Variants in PHIP observed in about 807,000 individuals in gnomAD.
PHIP encodes the protein PHIP subunit of CUL4-Ring ligase complex.
A neutral mutation model predicts 236.8 loss-of-function variants in PHIP; 54 were observed. That is an observed-to-expected ratio of 0.23 (90% CI 0.18 to 0.29). The LOEUF (loss-of-function observed/expected upper bound fraction) is 0.29, where lower values mean the gene tolerates loss of function less well. Ranked by LOEUF, PHIP falls within the 10% of genes least tolerant of loss-of-function variation. The pLI, the probability that PHIP is intolerant of heterozygous loss-of-function variation, is 1.00. For synonymous variants in PHIP, 756 were observed against 718.9 expected (o/e 1.05, Z -0.83); for missense variants, 1,370 against 2,190.8 (o/e 0.63, Z 7.48).
At chr6:78,944,421 G>A (rs1773690787) in intron 39 of PHIP, among the ~76,000 whole-genome samples, 1 of 152,052 alleles carries the variant, frequency 6.6e-6, no homozygotes, top group Non-Finnish European at 1.5e-5. Flanking sequence ...TGAGAACTGA[G>A]GCAGGAAGAC....
In PHIP at chr6:78,936,670, T is replaced by C. The variant is rs1235449781; in HGVS notation, c.*4023A>G. ...CAAAACTAAAAATAATATCTATTTA[T>C]AGCTCATATTTTCTACTCACTGTTC... On this transcript the variant is annotated 3_prime_UTR_variant, in exon 40 of 40. Coordinates refer to ENST00000275034, the MANE Select transcript of PHIP (RefSeq NM_017934.7). 6.6e-6 allele frequency: 1 copy of C among 151,896 alleles called. No homozygotes were observed. The highest frequency in any genetic ancestry group is 6.6e-5 in the Admixed American group (1 of 15,254). The allele number at this position is 151,896 out of a possible 1,614,324, so 9.4% of individuals were successfully genotyped here. A position where few individuals can be genotyped will look rare whatever the true frequency, so the allele number is the denominator to read the frequency against.
rs1344623654 is a variant in PHIP, at chr6:79,024,227, TACAA to T, written c.923+1288_923+1291del. 1.5e-4 allele frequency among the ~76,000 whole-genome samples: 23 copies of T among 152,342 alleles called. No individual in the cohort carries two copies. The Middle Eastern group carries it at 0.01, about 68-fold the overall frequency. On this transcript the variant is annotated intron_variant, in intron 9 of 39. Coordinates refer to ENST00000275034, the MANE Select transcript of PHIP (RefSeq NM_017934.7). ...GAAGTTAAAGAAGCATGTGTTGCATTACAAACAATTATCTAAACACTACTGTTTT... is the reference window on the plus strand; with the variant it reads ...GAAGTTAAAGAAGCATGTGTTGCATTACAATTATCTAAACACTACTGTTTT...
At chr6:79,018,631 T>C (rs1416683300) in intron 10 of PHIP, among the ~76,000 whole-genome samples, 2 of 151,972 alleles carry the variant, frequency 1.3e-5, no homozygotes, top group Non-Finnish European at 2.9e-5. Flanking sequence ...AGCACTGCTA[T>C]ACAATCACTT....
chr6:79,077,657 G>C (rs1390782339), intron 3 of PHIP, 43 bp downstream of exon 3: 2 of 957,400 alleles, frequency 2.1e-6, no homozygotes, highest in South Asian at 9.4e-5. Context: ...GCCCAGAGGC[G>C]GCCGCGCGGC....
intron 13 of PHIP, among the ~76,000 whole-genome samples, chr6:79,016,133 G>A (rs954871741): frequency 2.0e-5 from 3 of 151,828 alleles, no homozygotes; most frequent in Non-Finnish European, 4.4e-5. Flanking sequence ...ATCCATCTGA[G>A]ATGACTACAC....
intron 7 of PHIP, among the ~76,000 whole-genome samples, chr6:79,042,229 C>T (rs1772255163): frequency 6.6e-6 from 1 of 151,884 alleles, no homozygotes. Context: ...AGCTCAAAAG[C>T]TTTGCTTTTC....
In PHIP at chr6:78,994,855, G is replaced by A. The variant is rs567998187; in HGVS notation, c.2201+2559C>T. On this transcript the variant is annotated intron_variant, in intron 19 of 39. Coordinates refer to ENST00000275034, the MANE Select transcript of PHIP (RefSeq NM_017934.7). ...ACTGAAGGTTCAGATGGTTGTTAGC[G>A]TTTTTCAGCAGTAAAGAATTTTCAA... 1.3e-4 allele frequency among the ~76,000 whole-genome samples: 20 copies of A among 152,234 alleles called. No homozygotes were observed. In the South Asian group the frequency reaches 1.9e-3, roughly 14 times the overall value.
At chr6:79,052,500 T>A (rs1195005476) in intron 6 of PHIP, among the ~76,000 whole-genome samples, 3 of 152,186 alleles carry the variant, frequency 2.0e-5, no homozygotes, top group Admixed American at 1.3e-4. Context: ...GGTTGAAGTT[T>A]TGGGGGAGAA....
chr6:79,050,212 C>T (rs1002773448), intron 6 of PHIP, among the ~76,000 whole-genome samples: 2 of 152,036 alleles, frequency 1.3e-5, no homozygotes, highest in Non-Finnish European at 2.9e-5. Flanking sequence ...AAAAAGGCTA[C>T]AGAACACTCT....
chr6:79,002,091 G>A lies in PHIP; in HGVS notation c.1687C>T (p.Arg563Trp), dbSNP rs868097478. 2 of 1,612,658 alleles carry A rather than the reference G, an allele frequency of 1.2e-6. No homozygotes were observed. Among genetic ancestry groups the A allele is most frequent in the Non-Finnish European group, 1.7e-6 (2 of 1,178,974 alleles). Residue 563 changes from arginine (R) to tryptophan (W), a missense_variant, in exon 17 of 40, where the codon CGG becomes TGG. Physicochemically the swap from Arg to Trp is moderately radical, Grantham distance 101. This residue lies in a region of PHIP where 133 missense variants were observed against 245.2 expected (regional missense o/e 0.54). Transcript: ENST00000275034. Reference protein sequence around the residue: ...ADQMFFHSDYRPLIRDANNFV... With the variant: ...ADQMFFHSDYWPLIRDANNFV... The stretch of plus-strand genomic sequence containing the variant: ...TTGTTGGCATCACGAATAAGTGGCC[G>A]ATAATCACTATGAAAGAACATCTGA...
chr6:78,947,537 T>C, intron 36 of PHIP, 86 bp downstream of exon 36: 1 of 658,344 alleles, frequency 1.5e-6, no homozygotes, highest in Non-Finnish European at 2.5e-6. Flanking sequence ...AACTTTGACC[T>C]AAATTTTAAG....
intron 7 of PHIP, among the ~76,000 whole-genome samples, chr6:79,035,691 T>C: frequency 6.6e-6 from 1 of 152,172 alleles, no homozygotes; most frequent in Non-Finnish European, 1.5e-5. Flanking sequence ...TAGAAATGAA[T>C]GCCAAAAATG....
chr6:79,077,646 G>A (rs1392270110), intron 3 of PHIP, 54 bp downstream of exon 3: 5 of 919,616 alleles, frequency 5.4e-6, no homozygotes, highest in Middle Eastern at 5.5e-4. Context: ...GCGGCGCAGC[G>A]GCCCAGAGGC....
chr6:79,010,763 A>G (rs1011526980), intron 15 of PHIP, among the ~76,000 whole-genome samples: 2 of 151,890 alleles, frequency 1.3e-5, no homozygotes, highest in Admixed American at 6.6e-5. Context: ...AACTCCAAGC[A>G]TCTCTTATTT....
intron 7 of PHIP, among the ~76,000 whole-genome samples, chr6:79,041,744 T>C (rs1772226602): frequency 6.6e-6 from 1 of 152,036 alleles, no homozygotes; most frequent in Non-Finnish European, 1.5e-5. Context: ...CTGAAAATAA[T>C]ACTTGATACA....
chr6:78,935,623 G>C lies in PHIP; in HGVS notation c.*5070C>G, dbSNP rs1455253518. On this transcript the variant is annotated 3_prime_UTR_variant, in exon 40 of 40. Coordinates refer to ENST00000275034, the MANE Select transcript of PHIP (RefSeq NM_017934.7). ...AATGTACACATAAAAAGGCATATAA[G>C]TTTTTGACCTTCAGTTGTTTTGGAA... The C allele has an allele frequency of 1.0e-6, 1 of 981,874 alleles. No individual in the cohort carries two copies. 60.8% of individuals were successfully genotyped at this position (981,874 alleles called of 1,614,324 possible). A position where few individuals can be genotyped will look rare whatever the true frequency, so the allele number is the denominator to read the frequency against.
intron 31 of PHIP, among the ~76,000 whole-genome samples, chr6:78,960,490 A>G (rs1766704439): frequency 6.7e-6 from 1 of 149,428 alleles, no homozygotes; most frequent in Non-Finnish European, 1.5e-5. Context: ...AACACCTGAT[A>G]TTGAAAAAGA....
intron 4 of PHIP, among the ~76,000 whole-genome samples, chr6:79,077,077 C>A (rs1018039350): frequency 6.6e-6 from 1 of 152,080 alleles, no homozygotes; most frequent in Non-Finnish European, 1.5e-5. Flanking sequence ...AGCGAACGAG[C>A]GAGCGCGCTC....
At chr6:79,007,535 T>C (rs1344170961) in intron 15 of PHIP, among the ~76,000 whole-genome samples, 1 of 152,044 alleles carries the variant, frequency 6.6e-6, no homozygotes, top group African/African-American at 2.4e-5. Context: ...ATGAGAAGTA[T>C]ATGCTTCTAG....
Sources: gnomAD v4.1 joint callset for allele counts (sites outside exome capture counted in the v4.1 genomes callset) on GRCh38, gnomAD v4.1.1 for gene constraint, gnomAD v4.1.1 regional missense constraint, MANE v1.5 for transcripts, NCBI Gene and HGNC (gene_info 2026-07-23, HGNC 2026-07-21) for gene names.